The following GABRR3 variants were observed in gnomAD, a reference collection of about 807,000 sequenced individuals.
The protein encoded by GABRR3 is gamma-aminobutyric acid receptor subunit rho-3.
A neutral mutation model predicts 43.2 loss-of-function variants in GABRR3; 29 were observed. The observed-to-expected ratio is 0.67, with a 90% confidence interval of 0.50 to 0.92. The LOEUF (loss-of-function observed/expected upper bound fraction) is 0.92. Ranked by LOEUF, GABRR3 falls within the 40% of genes least tolerant of loss-of-function variation. The pLI, the probability that GABRR3 is intolerant of heterozygous loss-of-function variation, is 0.00. For synonymous variants in GABRR3, 206 were observed against 195.9 expected (o/e 1.05, Z -0.43); for missense variants, 576 against 572.3 (o/e 1.01, Z -0.07).
intron 2 of GABRR3, among the ~76,000 whole-genome samples, chr3:98,032,654 T>A (rs921213293): frequency 3.3e-5 from 5 of 152,186 alleles, no homozygotes; most frequent in African/African-American, 1.2e-4. Context: ...GAATACATAT[T>A]TTTTTAAAGT....
chr3:98,002,754 C>G (rs1706667644), intron 7 of GABRR3, among the ~76,000 whole-genome samples: 2 of 151,956 alleles, frequency 1.3e-5, no homozygotes, highest in Non-Finnish European at 1.5e-5. Flanking sequence ...TGTTTATTTT[C>G]AAATAACATT....
chr3:97,993,567 A>G (rs571835849), intron 8 of GABRR3, among the ~76,000 whole-genome samples: 14 of 152,194 alleles, frequency 9.2e-5, no homozygotes, highest in Admixed American at 1.3e-4. Flanking sequence ...CACAGAAAAT[A>G]CTTAAAAAGC....
chr3:98,032,511 T>C (rs1707098983), intron 2 of GABRR3, among the ~76,000 whole-genome samples: 1 of 152,178 alleles, frequency 6.6e-6, no homozygotes, highest in Non-Finnish European at 1.5e-5. Context: ...GTGAGTCTAT[T>C]TGCTTAATCC....
intron 7 of GABRR3, among the ~76,000 whole-genome samples, chr3:98,002,984 C>T (rs1437227178): frequency 1.3e-5 from 2 of 152,108 alleles, no homozygotes; most frequent in Admixed American, 6.6e-5. Context: ...ATCCTATTCT[C>T]AATGAAATAC....
chr3:98,005,447 A>G (rs1347590033), intron 7 of GABRR3, among the ~76,000 whole-genome samples: 1 of 152,120 alleles, frequency 6.6e-6, no homozygotes, highest in Non-Finnish European at 1.5e-5. Context: ...CATTTTTCTT[A>G]GGAACCAAAA....
At chr3:98,020,571 C>T (rs1179033886) in intron 3 of GABRR3, among the ~76,000 whole-genome samples, 4 of 151,606 alleles carry the variant, frequency 2.6e-5, no homozygotes, top group African/African-American at 9.7e-5. Context: ...TAAATAGATC[C>T]TAGTTGCTGA....
rs1559778224 is a variant in GABRR3, at chr3:98,012,587, G to C, written c.307-20C>G. The stretch of plus-strand genomic sequence containing the variant: ...AAAGTCCTAGACAGAGAGAAAAAGA[G>C]ACCAAAAAAACCAGTAGGAATATGG... On this transcript the variant is annotated intron_variant, in intron 4 of 9. Coordinates refer to ENST00000621172, the Ensembl canonical transcript of GABRR3. 4.5e-6 allele frequency: 7 copies of C among 1,538,634 alleles called. No homozygotes were observed. The South Asian group carries it at 8.0e-5, about 17-fold the overall frequency.
intron 4 of GABRR3, among the ~76,000 whole-genome samples, chr3:98,016,592 C>T (rs1295347038): frequency 6.6e-6 from 1 of 152,094 alleles, no homozygotes; most frequent in African/African-American, 2.4e-5. Flanking sequence ...AACAAGGAAA[C>T]AGGTGCTGAA....
At chr3:98,014,594 C>A (rs148500757) in intron 4 of GABRR3, among the ~76,000 whole-genome samples, 351 of 152,174 alleles carry the variant, frequency 2.3e-3, no homozygotes, top group Admixed American at 5.4e-3. Flanking sequence ...TTACATTGAG[C>A]TGAAATAAAT....
chr3:98,035,026 C>A, intron 1 of GABRR3, 37 bp from the exon 2 acceptor site: 1 of 1,595,822 alleles, frequency 6.3e-7, no homozygotes, highest in East Asian at 2.3e-5. Flanking sequence ...TGCAGGTGAA[C>A]GCAACCAATA....
chr3:98,008,247 C>G (rs1260169070), intron 6 of GABRR3, among the ~76,000 whole-genome samples: 1 of 152,212 alleles, frequency 6.6e-6, no homozygotes, highest in Non-Finnish European at 1.5e-5. Context: ...CTCACTGTCA[C>G]AGGCCTGACT....
At chr3:98,007,741 A>C (rs1225748707) in intron 7 of GABRR3, 23 bp downstream of exon 7, 4 of 1,612,586 alleles carry the variant, frequency 2.5e-6, no homozygotes, top group East Asian at 2.2e-5. Context: ...ATGCTGATGA[A>C]TCACCCATGT....
At chr3:98,007,532 G>C (rs962931586) in intron 7 of GABRR3, among the ~76,000 whole-genome samples, 2 of 152,220 alleles carry the variant, frequency 1.3e-5, no homozygotes, top group Non-Finnish European at 2.9e-5. Context: ...CTGCTGTATT[G>C]AGACTGGAGA....
intron 2 of GABRR3, among the ~76,000 whole-genome samples, chr3:98,032,135 G>A (rs1707094276): frequency 6.8e-6 from 1 of 147,092 alleles, no homozygotes; most frequent in Admixed American, 6.7e-5. Flanking sequence ...ATGGTATACT[G>A]TAGTATTTCT....
intron 3 of GABRR3, among the ~76,000 whole-genome samples, chr3:98,019,570 A>G (rs1706912715): frequency 6.6e-6 from 1 of 152,062 alleles, no homozygotes; most frequent in African/African-American, 2.4e-5. Context: ...CAATTACTAT[A>G]TACCCTATAA....
At chr3:98,025,704 A>G (rs1430518558) in intron 2 of GABRR3, 25 bp from the exon 3 acceptor site, 22 of 1,481,644 alleles carry the variant, frequency 1.5e-5, no homozygotes, top group African/African-American at 1.1e-4. Flanking sequence ...GGAAAAAAAA[A>G]ACTTCTGAGA....
At chr3:98,030,786 A>AC (rs1707077026) in intron 2 of GABRR3, among the ~76,000 whole-genome samples, 1 of 152,176 alleles carries the variant, frequency 6.6e-6, no homozygotes, top group Non-Finnish European at 1.5e-5. Context: ...GCACACTGAA[A>AC]CTCAGCTAAC....
intron 5 of GABRR3, among the ~76,000 whole-genome samples, chr3:98,011,894 A>G (rs1449457816): frequency 6.6e-6 from 1 of 152,236 alleles, no homozygotes; most frequent in East Asian, 1.9e-4. Context: ...AAATTAAAAG[A>G]AAAGAAAAAG....
At chr3:97,989,232 T>C (rs1706430669) in intron 9 of GABRR3, among the ~76,000 whole-genome samples, 1 of 146,734 alleles carries the variant, frequency 6.8e-6, no homozygotes, top group African/African-American at 2.5e-5. Context: ...TGGTGGTGGA[T>C]GGTGGTGAAC....
Sources: gnomAD v4.1 joint callset for allele counts (sites outside exome capture counted in the v4.1 genomes callset) on GRCh38, gnomAD v4.1.1 for gene constraint, MANE v1.5 for transcripts, NCBI Gene and HGNC (gene_info 2026-07-23, HGNC 2026-07-21) for gene names.